The following CSTF3 variants were observed in gnomAD, a reference collection of about 807,000 sequenced individuals.
CSTF3 encodes the protein cleavage stimulation factor subunit 3, also known as CF-1 77 kDa subunit.
In CSTF3, 29 loss-of-function variants were observed where a neutral mutation model predicts 105.8. The observed-to-expected ratio is 0.27, with a 90% confidence interval of 0.20 to 0.37. The LOEUF (loss-of-function observed/expected upper bound fraction) is 0.37. Ranked by LOEUF, CSTF3 falls within the 10% of genes least tolerant of loss-of-function variation. CSTF3 has a pLI of 1.00. For missense variants in CSTF3, 357 were observed against 879.3 expected (o/e 0.41, Z 7.51); for synonymous variants, 252 against 281.9 (o/e 0.89, Z 1.06).
intron 10 of CSTF3, among the ~76,000 whole-genome samples, chr11:33,100,564 G>A (rs754620920): frequency 3.9e-5 from 6 of 152,144 alleles, no homozygotes; most frequent in Admixed American, 6.5e-5. Flanking sequence ...ATATACCAGT[G>A]AGTAAGACTT....
intron 16 of CSTF3, among the ~76,000 whole-genome samples, chr11:33,091,575 C>T (rs1256974220): frequency 2.0e-5 from 3 of 152,216 alleles, no homozygotes; most frequent in South Asian, 4.1e-4. Flanking sequence ...GAGACAAAAC[C>T]GTAAGTCAGA....
intron 3 of CSTF3, among the ~76,000 whole-genome samples, chr11:33,127,375 ATCAGAACTCTAAT>A (rs1855553891): frequency 6.6e-6 from 1 of 152,232 alleles, no homozygotes; most frequent in Non-Finnish European, 1.5e-5. Flanking sequence ...AAAAAATTGT[ATCAGAACTCTAAT>A]TCAGTGATCA....
At chr11:33,149,889 C>T (rs1351114661) in intron 1 of CSTF3, among the ~76,000 whole-genome samples, 1 of 152,054 alleles carries the variant, frequency 6.6e-6, no homozygotes, top group Admixed American at 6.6e-5. Context: ...CATGGTGGTA[C>T]ACGCCTGTAA....
chr11:33,089,095 C>T (rs1039716075), intron 17 of CSTF3, among the ~76,000 whole-genome samples: 3 of 152,020 alleles, frequency 2.0e-5, no homozygotes, highest in African/African-American at 7.2e-5. Flanking sequence ...GCCTGTAATC[C>T]CAGCACTTTG....
Position 33,099,266 on chromosome 11 carries a change from T to G in CSTF3, c.937-116A>C, listed in dbSNP as rs1565004216. On this transcript the variant is annotated intron_variant, in intron 11 of 20. Coordinates refer to ENST00000323959, the MANE Select transcript of CSTF3 (RefSeq NM_001326.3). The surrounding 1 kb of genome is among the most constrained non-coding windows in gnomAD (Gnocchi z 4.1). ...TTATGTGTCTAAGAAAGCATACATGTATGTACACACATATATATGTATCCA... is the reference window on the plus strand; with the variant it reads ...TTATGTGTCTAAGAAAGCATACATGGATGTACACACATATATATGTATCCA... The G allele has an allele frequency of 8.1e-7, 1 of 1,230,906 alleles. No homozygotes were observed. The highest frequency in any genetic ancestry group is 1.1e-6 in the Non-Finnish European group (1 of 891,318). 76.2% of individuals were successfully genotyped at this position (1,230,906 alleles called of 1,614,324 possible).
At chr11:33,123,489 T>C (rs1283410642) in intron 3 of CSTF3, among the ~76,000 whole-genome samples, 1 of 152,118 alleles carries the variant, frequency 6.6e-6, no homozygotes, top group Non-Finnish European at 1.5e-5. Context: ...TACTCTTTGA[T>C]CCAGCAATTC....
At chr11:33,092,475 A>G (rs1855179318) in intron 15 of CSTF3, 135 bp from the exon 16 acceptor site, 4 of 533,242 alleles carry the variant, frequency 7.5e-6, no homozygotes, top group Admixed American at 4.1e-5. Context: ...CTTGATTTTT[A>G]TAGATGAGGA....
At chr11:33,158,023 G>A (rs1849887890) in intron 1 of CSTF3, among the ~76,000 whole-genome samples, 1 of 152,026 alleles carries the variant, frequency 6.6e-6, no homozygotes, top group South Asian at 2.1e-4. Context: ...GTTATTTAAT[G>A]GTTATTTTAG....
At chr11:33,114,226 C>G (rs986435573) in intron 3 of CSTF3, among the ~76,000 whole-genome samples, 1 of 152,082 alleles carries the variant, frequency 6.6e-6, no homozygotes, top group African/African-American at 2.4e-5. Flanking sequence ...CATGTCCTTT[C>G]CCTGGAATAT....
At chr11:33,105,099 T>C (rs1445791554) in intron 8 of CSTF3, among the ~76,000 whole-genome samples, 5 of 152,150 alleles carry the variant, frequency 3.3e-5, no homozygotes, top group African/African-American at 1.2e-4. Context: ...TATTTATGTA[T>C]TCAGATTGAT....
In CSTF3 at chr11:33,101,278, GT is replaced by G. The variant is rs554701025; in HGVS notation, c.826+898del. Among the ~76,000 whole-genome samples the G allele has an allele frequency of 4.7e-4, 71 of 152,242 alleles. 1 individual carries two copies. The highest frequency in any genetic ancestry group is 1.0e-4 in the Non-Finnish European group (7 of 68,016). ...AGATCCCGAAAATCTGGGCATAAATGTTCTCAAATCCTCAGCTGATCCCTAA... is the reference window on the plus strand; with the variant it reads ...AGATCCCGAAAATCTGGGCATAAATGTCTCAAATCCTCAGCTGATCCCTAA... On this transcript the variant is annotated intron_variant, in intron 10 of 20. Transcript: ENST00000323959.
chr11:33,137,493 C>T (rs1855667241), intron 3 of CSTF3, among the ~76,000 whole-genome samples: 1 of 151,626 alleles, frequency 6.6e-6, no homozygotes, highest in African/African-American at 2.4e-5. Flanking sequence ...TCAATAAAAC[C>T]TAAAATAGTT....
intron 14 of CSTF3, 57 bp downstream of exon 14, chr11:33,096,778 T>C (rs899412679): frequency 6.6e-7 from 1 of 1,510,142 alleles, no homozygotes; most frequent in Admixed American, 2.2e-5. Context: ...ACCTTTCTTT[T>C]ACGAACCTCA....
chr11:33,141,645 A>AAAAAT (rs762286775), intron 3 of CSTF3, 22 bp downstream of exon 3: 371 of 1,599,778 alleles, frequency 2.3e-4, no homozygotes, highest in Non-Finnish European at 2.5e-4. Context: ...TGATATAAGA[A>AAAAAT]AAAATAAAAT....
chr11:33,112,876 TGTCTCCATTTAAAGACCATTATAG>T (rs1045184291), intron 3 of CSTF3, among the ~76,000 whole-genome samples: 10 of 152,128 alleles, frequency 6.6e-5, no homozygotes, highest in Non-Finnish European at 7.4e-5. Context: ...CAATAGAAAA[TGTCTCCATTTAAAGACCATTATAG>T]GTCTCCATTT....
At chr11:33,115,585 GT>G (rs1855422884) in intron 3 of CSTF3, among the ~76,000 whole-genome samples, 2 of 146,256 alleles carry the variant, frequency 1.4e-5, no homozygotes. Context: ...TGCCTACTAT[GT>G]GTGACAAATA....
At chr11:33,149,465 T>C (rs1855829820) in intron 1 of CSTF3, among the ~76,000 whole-genome samples, 1 of 152,242 alleles carries the variant, frequency 6.6e-6, no homozygotes, top group Non-Finnish European at 1.5e-5. Flanking sequence ...TGAAGCATTT[T>C]TGTTTTCTGG....
Position 33,099,800 on chromosome 11 carries a change from T to C in CSTF3, c.827-83A>G. 1 of 806,780 alleles carries C rather than the reference T, an allele frequency of 1.2e-6. No homozygotes were observed. 50.0% of individuals were successfully genotyped at this position (806,780 alleles called of 1,614,324 possible). Reference sequence around the variant, plus strand: ...ATCAATGTAAATATCATAACCAAATTAGGCTCCTCAAAAATTAATGATAAT... The same window carrying C: ...ATCAATGTAAATATCATAACCAAATCAGGCTCCTCAAAAATTAATGATAAT... On this transcript the variant is annotated intron_variant, in intron 10 of 20. Transcript: ENST00000323959. The surrounding 1 kb of genome is among the most constrained non-coding windows in gnomAD (Gnocchi z 4.1).
At chr11:33,131,280 T>C (rs1403954977) in intron 3 of CSTF3, among the ~76,000 whole-genome samples, 1 of 152,216 alleles carries the variant, frequency 6.6e-6, no homozygotes, top group Non-Finnish European at 1.5e-5. Context: ...TTTGCTTAAA[T>C]TCTCTGAAGC....
Sources: gnomAD v4.1 joint callset for allele counts (sites outside exome capture counted in the v4.1 genomes callset) on GRCh38, gnomAD v4.1.1 for gene constraint, Gnocchi (gnomAD v3.1) non-coding constraint, MANE v1.5 for transcripts, NCBI Gene and HGNC (gene_info 2026-07-23, HGNC 2026-07-21) for gene names.